CSMD1: variants seen among roughly 807,000 people sequenced by gnomAD.
The protein encoded by CSMD1 is CUB and Sushi multiple domains 1.
In CSMD1, 213 loss-of-function variants were observed where a neutral mutation model predicts 417.5. The ratio of observed to expected loss-of-function variants is 0.51; its 90% CI spans 0.46 to 0.57. The LOEUF is 0.57. Among genes scored for constraint, CSMD1 ranks in the 20% least tolerant of loss-of-function variants. The pLI is 0.00. For synonymous variants in CSMD1, 2,862 were observed against 1,736.8 expected (o/e 1.65, Z -16.11); for missense variants, 6,923 against 4,529.7 (o/e 1.53, Z -15.17).
intron 2 of CSMD1, among the ~76,000 whole-genome samples, chr8:4,492,051 AG>A (rs1163500911): frequency 6.6e-6 from 1 of 152,134 alleles, no homozygotes; most frequent in Non-Finnish European, 1.5e-5. Context: ...AGAAAAAAAA[AG>A]AAACGACCTG....
chr8:3,481,611 G>A (rs1481267327), intron 11 of CSMD1, among the ~76,000 whole-genome samples: 4 of 152,144 alleles, frequency 2.6e-5, no homozygotes, highest in Non-Finnish European at 4.4e-5. Flanking sequence ...ATCGAAATGT[G>A]GGGGATTGTC....
At chr8:3,993,304 A>G (rs186889430) in intron 5 of CSMD1, among the ~76,000 whole-genome samples, 121 of 152,314 alleles carry the variant, frequency 7.9e-4, no homozygotes, top group Non-Finnish European at 1.5e-3. Flanking sequence ...GGGGCACGTG[A>G]GAGAAGGATT....
chr8:4,591,294 G>C lies in CSMD1; in HGVS notation c.302+46048C>G, dbSNP rs564340672. The stretch of plus-strand genomic sequence containing the variant: ...AATGTGAAGTACGAAGTCGAACAAA[G>C]ACCCAGAGGAAGAAGTGAGTAATTC... On this transcript the variant is annotated intron_variant, in intron 2 of 69. Coordinates refer to ENST00000635120, the MANE Select transcript of CSMD1 (RefSeq NM_033225.6). Among the ~76,000 whole-genome samples the C allele has an allele frequency of 3.9e-5, 6 of 152,310 alleles. No individual in the cohort carries two copies. The East Asian group carries it at 5.8e-4, about 15-fold the overall frequency.
chr8:3,150,001 C>A (rs1324779184), intron 40 of CSMD1, among the ~76,000 whole-genome samples: 4 of 152,260 alleles, frequency 2.6e-5, no homozygotes, highest in African/African-American at 4.8e-5. Context: ...AATTCTTAAC[C>A]CCTGACTCCA....
intron 3 of CSMD1, among the ~76,000 whole-genome samples, chr8:4,293,641 C>G (rs545303455): frequency 1.3e-5 from 2 of 152,268 alleles, no homozygotes; most frequent in South Asian, 2.1e-4. Context: ...CTGTAAGACA[C>G]AGCAGTCTCT....
chr8:3,626,286 C>T (rs959967096), intron 7 of CSMD1, among the ~76,000 whole-genome samples: 1 of 152,152 alleles, frequency 6.6e-6, no homozygotes, highest in Non-Finnish European at 1.5e-5. Flanking sequence ...CATTTAAGAA[C>T]TCTAGACTTA....
chr8:4,778,193 A>G (rs918711190), intron 1 of CSMD1, among the ~76,000 whole-genome samples: 1 of 152,204 alleles, frequency 6.6e-6, no homozygotes, highest in African/African-American at 2.4e-5. Context: ...CCATTCATTA[A>G]AATTACTTAT....
intron 1 of CSMD1, among the ~76,000 whole-genome samples, chr8:4,810,805 A>G (rs1585137778): frequency 6.6e-6 from 1 of 152,214 alleles, no homozygotes; most frequent in East Asian, 1.9e-4. Flanking sequence ...ATAATAAATC[A>G]TATAAAGAAC....
intron 1 of CSMD1, among the ~76,000 whole-genome samples, chr8:4,959,942 C>G (rs192151306): frequency 1.1e-4 from 17 of 152,282 alleles, no homozygotes; most frequent in Non-Finnish European, 1.5e-5. Flanking sequence ...TAAAATAACA[C>G]TTACTCTCCT....
chr8:4,915,492 T>G (rs933992269), intron 1 of CSMD1, among the ~76,000 whole-genome samples: 4 of 152,198 alleles, frequency 2.6e-5, no homozygotes, highest in Non-Finnish European at 5.9e-5. Flanking sequence ...ATATATTTAT[T>G]TTTCTTGGGT....
intron 2 of CSMD1, among the ~76,000 whole-genome samples, chr8:4,444,083 T>A (rs1470557725): frequency 6.6e-6 from 1 of 152,080 alleles, no homozygotes; most frequent in Non-Finnish European, 1.5e-5. Flanking sequence ...AGCTCATGCC[T>A]GTAACCCCAG....
At chr8:3,431,156 A>G (rs1410002672) in intron 12 of CSMD1, among the ~76,000 whole-genome samples, 2 of 152,158 alleles carry the variant, frequency 1.3e-5, no homozygotes, top group Admixed American at 6.5e-5. Flanking sequence ...TAGCAACTCT[A>G]TGGACTCTCT....
At chr8:3,393,235 T>C (rs1811453719) in intron 17 of CSMD1, among the ~76,000 whole-genome samples, 1 of 152,178 alleles carries the variant, frequency 6.6e-6, no homozygotes, top group South Asian at 2.1e-4. Context: ...AGTGAGCCTT[T>C]GAAGTCACAG....
chr8:4,297,377 C>G (rs997623152), intron 3 of CSMD1, among the ~76,000 whole-genome samples: 1 of 152,038 alleles, frequency 6.6e-6, no homozygotes, highest in Non-Finnish European at 1.5e-5. Context: ...TGCAGACGTT[C>G]AGCGTACTGT....
intron 3 of CSMD1, among the ~76,000 whole-genome samples, chr8:4,388,608 C>G (rs577728037): frequency 1.3e-5 from 2 of 152,102 alleles, no homozygotes; most frequent in African/African-American, 2.4e-5. Context: ...GTGTATACTG[C>G]TCAGGTGGTG....
intron 3 of CSMD1, among the ~76,000 whole-genome samples, chr8:4,160,656 G>A (rs148845333): frequency 1.9e-3 from 282 of 152,310 alleles, no homozygotes; most frequent in African/African-American, 6.6e-3. Flanking sequence ...GTACTTGTGT[G>A]TGCACAGACA....
At chr8:4,703,697 C>A (rs1807732222) in intron 1 of CSMD1, among the ~76,000 whole-genome samples, 1 of 151,952 alleles carries the variant, frequency 6.6e-6, no homozygotes, top group African/African-American at 2.4e-5. Flanking sequence ...TGCCTGCGAC[C>A]TTGAATTAAA....
rs540967944 is a variant in CSMD1, at chr8:4,840,985, C to G, written c.85+153347G>C. Among the ~76,000 whole-genome samples, 83 of 152,314 alleles carry G rather than the reference C, an allele frequency of 5.4e-4. 1 individual carries two copies. Among genetic ancestry groups the G allele is most frequent in the African/African-American group, 2.0e-3 (82 of 41,566 alleles). ...TGCACTGGGCTAGTCCGATAAGGAG[C>G]ATGTCCTCTTAACTGAGCGTTTGCC... is the stretch of plus-strand genomic sequence containing the variant. On this transcript the variant is annotated intron_variant, in intron 1 of 69. Coordinates refer to ENST00000635120, the MANE Select transcript of CSMD1 (RefSeq NM_033225.6).
At chr8:3,827,516 G>C (rs368417942) in intron 5 of CSMD1, among the ~76,000 whole-genome samples, 13 of 152,130 alleles carry the variant, frequency 8.5e-5, no homozygotes, top group African/African-American at 7.2e-5. Flanking sequence ...GTGACATCTA[G>C]GTTTCCCCAA....
Sources: allele counts gnomAD v4.1 joint callset (sites outside exome capture counted in the v4.1 genomes callset), GRCh38; gene constraint gnomAD v4.1.1; transcripts MANE v1.5; gene names NCBI Gene and HGNC (gene_info 2026-07-23, HGNC 2026-07-21).